The following BCAR3 variants were observed in gnomAD, a reference collection of about 807,000 sequenced individuals.
BCAR3 encodes the protein BCAR3 adaptor protein, NSP family member.
BCAR3 carries 37 observed loss-of-function variants against 80.1 expected under a neutral mutation model. The observed-to-expected ratio is 0.46, with a 90% CI of 0.36 to 0.61. The LOEUF is 0.61. Ranked by LOEUF, BCAR3 falls within the 20% of genes least tolerant of loss-of-function variation. BCAR3 has a pLI of 0.00. For synonymous variants in BCAR3, 389 were observed against 418.9 expected (o/e 0.93, Z 0.87); for missense variants, 978 against 1,068.2 (o/e 0.92, Z 1.18).
At position 93,589,408 on chromosome 1, in the gene BCAR3, G is replaced by T; in HGVS notation, c.498C>A (p.Asn166Lys). The T allele has an allele frequency of 6.2e-7, 1 of 1,610,502 alleles. No individual in the cohort carries two copies. Reference protein sequence around the residue: ...HGRIPRQVSENLVQRDGDFLV... With the variant: ...HGRIPRQVSEKLVQRDGDFLV... Reference sequence around the variant, plus strand: ...GGAAGTCACCATCTCGCTGCACAAGGTTTTCAGACACCTTTGGGACAAAAA... The same window carrying T: ...GGAAGTCACCATCTCGCTGCACAAGTTTTTCAGACACCTTTGGGACAAAAA... The change falls in exon 5 of 12, where the codon AAC becomes AAA. Residue 166 changes from asparagine (N) to lysine (K), a missense_variant. Coordinates refer to ENST00000260502, the MANE Select transcript of BCAR3 (RefSeq NM_003567.4).
Position 93,571,723 on chromosome 1 carries a change from T to C in BCAR3, c.1921A>G (p.Met641Val), listed in dbSNP as rs1409408993. The C allele has an allele frequency of 1.2e-6, 2 of 1,614,054 alleles. No homozygotes were observed. The highest frequency in any genetic ancestry group is 1.7e-6 in the Non-Finnish European group (2 of 1,180,044). The change falls in exon 9 of 12, where the codon ATG becomes GTG. Residue 641 changes from methionine (M) to valine (V), a missense_variant. Coordinates refer to ENST00000260502, the MANE Select transcript of BCAR3 (RefSeq NM_003567.4). ...IQVAVELKDS[M>V]GDLYSFSALM... ...GCTGAGAAGGAATAGAGGTCCCCCA[T>C]GGAATCCTTCAGTTCCACCGCCACC...
At chr1:93,700,346 C>T (rs1400888037) in intron 3 of BCAR3, among the ~76,000 whole-genome samples, 1 of 152,134 alleles carries the variant, frequency 6.6e-6, no homozygotes, top group African/African-American at 2.4e-5. Flanking sequence ...GGGCACACCC[C>T]TACACCTGGC....
In BCAR3 at chr1:93,674,751, G is replaced by C. The variant is rs1021689288; in HGVS notation, c.180C>G (p.Pro60=). The change falls in exon 2 of 12, where the codon CCC becomes CCG. Residue 60 remains proline, a synonymous_variant. Coordinates refer to ENST00000260502, the MANE Select transcript of BCAR3 (RefSeq NM_003567.4). ...TLPRKKKGPP[P]IRSCDDFSHM... ...GACTGAAGTCATCACAGGACCTTAT[G>C]GGAGGAGGACCTTTTTTCTTCCGTG... 2.5e-6 allele frequency: 4 copies of C among 1,613,550 alleles called. No individual in the cohort carries two copies. The highest frequency in any genetic ancestry group is 3.4e-6 in the Non-Finnish European group (4 of 1,179,894).
intron 2 of BCAR3, among the ~76,000 whole-genome samples, chr1:93,819,624 G>A (rs1303708813): frequency 6.6e-6 from 1 of 152,210 alleles, no homozygotes; most frequent in African/African-American, 2.4e-5. Flanking sequence ...AATGTGACCT[G>A]TATTAAATAT....
Position 93,721,107 on chromosome 1 carries a change from T to C in BCAR3, c.-62-14965A>G, listed in dbSNP as rs1650382241. Among the ~76,000 whole-genome samples the C allele has an allele frequency of 2.0e-5, 3 of 152,216 alleles. No individual in the cohort carries two copies. In the South Asian group the frequency reaches 6.2e-4, roughly 32 times the overall value. ...TCTGGGCACTTTAGAAGTTCAGGGA[T>C]GCCTCAGACTGGAAGGGTGGCATCT... On this transcript the variant is annotated intron_variant, in intron 2 of 13. Coordinates refer to the BCAR3 transcript ENST00000370244.
chr1:93,701,819 C>A (rs1255705893), intron 3 of BCAR3, among the ~76,000 whole-genome samples: 1 of 152,194 alleles, frequency 6.6e-6, no homozygotes, highest in Non-Finnish European at 1.5e-5. Flanking sequence ...GCAGGCCATG[C>A]AGAAAAGCCA....
chr1:93,635,441 C>T (rs893867351), intron 3 of BCAR3, among the ~76,000 whole-genome samples: 6 of 151,934 alleles, frequency 3.9e-5, no homozygotes, highest in African/African-American at 1.5e-4. Context: ...TTTTCATAGA[C>T]CTGAAGGATA....
intron 2 of BCAR3, among the ~76,000 whole-genome samples, chr1:93,784,160 T>TA (rs1652861612): frequency 6.6e-6 from 1 of 151,286 alleles, no homozygotes; most frequent in Non-Finnish European, 1.5e-5. Context: ...GGTGATGAGT[T>TA]TTCCCTACAG....
chr1:93,776,230 A>C (rs1652540914), intron 2 of BCAR3, among the ~76,000 whole-genome samples: 1 of 152,130 alleles, frequency 6.6e-6, no homozygotes. Flanking sequence ...ATTCTTTCTA[A>C]TTTTATAGGA....
At chr1:93,590,067 A>G (rs1261833696) in intron 4 of BCAR3, among the ~76,000 whole-genome samples, 1 of 152,186 alleles carries the variant, frequency 6.6e-6, no homozygotes. Context: ...GTCCACATGC[A>G]GGACTGGGGT....
intron 2 of BCAR3, among the ~76,000 whole-genome samples, chr1:93,790,299 T>C (rs1411185930): frequency 6.6e-6 from 1 of 152,182 alleles, no homozygotes; most frequent in Non-Finnish European, 1.5e-5. Flanking sequence ...TTGTGCTTAA[T>C]AGAATAATCA....
At chr1:93,845,001 A>T (rs889165403) in intron 2 of BCAR3, among the ~76,000 whole-genome samples, 6 of 152,246 alleles carry the variant, frequency 3.9e-5, no homozygotes, top group South Asian at 2.1e-4. Context: ...TGATACAGGA[A>T]TTTTTTTGGC....
intron 2 of BCAR3, among the ~76,000 whole-genome samples, chr1:93,649,893 C>T (rs111861969): frequency 7.7e-4 from 117 of 151,000 alleles, no homozygotes; most frequent in African/African-American, 2.6e-3. Flanking sequence ...CCACTCTACC[C>T]GCAACCAAAA....
intron 2 of BCAR3, among the ~76,000 whole-genome samples, chr1:93,674,172 G>A (rs563520626): frequency 2.0e-5 from 3 of 152,166 alleles, no homozygotes; most frequent in African/African-American, 7.2e-5. Context: ...CAGACAAAAC[G>A]GGACTGGCCT....
At chr1:93,649,288 G>C (rs1289154450) in intron 2 of BCAR3, among the ~76,000 whole-genome samples, 1 of 152,222 alleles carries the variant, frequency 6.6e-6, no homozygotes, top group Non-Finnish European at 1.5e-5. Context: ...AGACAAGCAA[G>C]GCTATGGGGA....
At chr1:93,810,836 C>G (rs1203172767) in intron 2 of BCAR3, among the ~76,000 whole-genome samples, 1 of 152,184 alleles carries the variant, frequency 6.6e-6, no homozygotes, top group Non-Finnish European at 1.5e-5. Context: ...GAGCAGTACA[C>G]TAGTGCTAAA....
intron 2 of BCAR3, among the ~76,000 whole-genome samples, chr1:93,843,877 C>T (rs1465616385): frequency 6.6e-6 from 1 of 152,152 alleles, no homozygotes; most frequent in Non-Finnish European, 1.5e-5. Context: ...TGTATTGTCC[C>T]TACTCATTGA....
chr1:93,563,291 A>G (rs750554767), intron 11 of BCAR3, among the ~76,000 whole-genome samples: 3 of 152,232 alleles, frequency 2.0e-5, no homozygotes, highest in Non-Finnish European at 4.4e-5. Flanking sequence ...TATGGGATAA[A>G]TGGAATCATC....
In BCAR3 at chr1:93,576,092, C is replaced by T. The variant is rs754900116; in HGVS notation, c.1724G>A (p.Arg575Lys). Residue 575 changes from arginine (R) to lysine (K), a missense_variant, in exon 8 of 12, where the codon AGG becomes AAG. Coordinates refer to ENST00000260502, the MANE Select transcript of BCAR3 (RefSeq NM_003567.4). ...RILGVSEEMR[R>K]NMGVSSGLEL... ...CAGGCCTGAGCTCACCCCCATGTTC[C>T]TCCTCATCTCTTCAGAGACTCCAAG... 11 of 1,613,954 alleles carry T rather than the reference C, an allele frequency of 6.8e-6. No homozygotes were observed. The African/African-American group carries it at 1.2e-4, about 18-fold the overall frequency.
Sources: allele counts gnomAD v4.1 joint callset (sites outside exome capture counted in the v4.1 genomes callset), GRCh38; gene constraint gnomAD v4.1.1; transcripts MANE v1.5; gene names NCBI Gene and HGNC (gene_info 2026-07-23, HGNC 2026-07-21).